The following YWHAQ variants were observed in gnomAD, a reference collection of about 807,000 sequenced individuals.
YWHAQ encodes the protein 14-3-3 protein theta.
In YWHAQ, 6 loss-of-function variants were observed where a neutral mutation model predicts 28.3. That is an observed-to-expected ratio of 0.21 (90% CI 0.12 to 0.42). The LOEUF is 0.42. Ranked by LOEUF, YWHAQ falls within the 10% of genes least tolerant of loss-of-function variation. The pLI, the probability that YWHAQ is intolerant of heterozygous loss-of-function variation, is 1.00. For synonymous variants in YWHAQ, 143 were observed against 119.1 expected (o/e 1.20, Z -1.31); for missense variants, 201 against 305.6 (o/e 0.66, Z 2.55).
At chr2:9,629,133 T>TA (rs1667304798) in intron 2 of YWHAQ, among the ~76,000 whole-genome samples, 1 of 152,080 alleles carries the variant, frequency 6.6e-6, no homozygotes, top group Non-Finnish European at 1.5e-5. Flanking sequence ...CCCAGTCTAG[T>TA]ATGCTTGTCT....
At chr2:9,590,411 T>C (rs1033895413) in intron 3 of YWHAQ, among the ~76,000 whole-genome samples, 2 of 152,208 alleles carry the variant, frequency 1.3e-5, no homozygotes, top group Non-Finnish European at 2.9e-5. Context: ...CACTGATATT[T>C]AGGATGGCAA....
Position 9,591,397 on chromosome 2 carries a change from C to T in YWHAQ, c.413G>A (p.Arg138Gln), listed in dbSNP as rs1168659382. Residue 138 changes from arginine (R) to glutamine (Q), a missense_variant, in exon 3 of 6, where the codon CGA (arginine) becomes CAA (glutamine). Coordinates refer to ENST00000238081, the MANE Select transcript of YWHAQ (RefSeq NM_006826.4). ...CATATAACAAATAAACTTACGTTTT[C>T]GATCATCACCACACGCAACTTCAGC... The part of the protein sequence containing the change: ...YLAEVACGDD[R>Q]KQTIDNSQGA... 3 of 1,608,832 alleles carry T rather than the reference C, an allele frequency of 1.9e-6. No individual in the cohort carries two copies. The highest frequency in any genetic ancestry group is 2.2e-5 in the East Asian group (1 of 44,802).
intron 2 of YWHAQ, among the ~76,000 whole-genome samples, chr2:9,607,381 T>G (rs1216763525): frequency 6.6e-6 from 1 of 151,588 alleles, no homozygotes; most frequent in Non-Finnish European, 1.5e-5. Context: ...TTTTTTTTTT[T>G]TGTATTTTTA....
At chr2:9,612,668 A>G (rs1168198674) in intron 2 of YWHAQ, among the ~76,000 whole-genome samples, 4 of 152,236 alleles carry the variant, frequency 2.6e-5, no homozygotes, top group African/African-American at 9.6e-5. Flanking sequence ...AAGAAGTAAC[A>G]TATGCAAGTA....
At position 9,616,141 on chromosome 2, in the gene YWHAQ, T is replaced by C. The variant is rs143203999; in HGVS notation, c.294+14018A>G. ...GGCTAGAACACAGGAACCACAGAAA[T>C]CATGAGTTTTCCTTATACCCAATTA... is the stretch of plus-strand genomic sequence containing the variant. On this transcript the variant is annotated intron_variant, in intron 2 of 5. Coordinates refer to ENST00000238081, the MANE Select transcript of YWHAQ (RefSeq NM_006826.4). Among the ~76,000 whole-genome samples, 617 of 152,226 alleles carry C rather than the reference T, an allele frequency of 4.1e-3. 4 individuals carry two copies. Among genetic ancestry groups the C allele is most frequent in the African/African-American group, 0.014 (586 of 41,542 alleles).
Position 9,591,425 on chromosome 2 carries a change from G to A in YWHAQ, c.385C>T (p.Leu129Phe). The A allele has an allele frequency of 6.2e-7, 1 of 1,612,682 alleles. No individual in the cohort carries two copies. Among genetic ancestry groups the A allele is most frequent in the Non-Finnish European group, 8.5e-7 (1 of 1,178,998 alleles). The change falls in exon 3 of 6, where the codon CTT (leucine) becomes TTT (phenylalanine). Residue 129 changes from leucine to phenylalanine, a missense_variant. Leu to Phe is a conservative substitution (Grantham distance 22). Transcript: ENST00000238081. ...TCATCACCACACGCAACTTCAGCAA[G>A]GTACCGGAAGTAATCACCCTTCATT... ...LKMKGDYFRY[L>F]AEVACGDDRK...
rs370311765 is a variant in YWHAQ at position 9,603,291 on chromosome 2, C to T, written c.295-11776G>A. Among the ~76,000 whole-genome samples the T allele has an allele frequency of 2.6e-3, 366 of 139,834 alleles. 1 individual carries two copies. Among genetic ancestry groups the T allele is most frequent in the Middle Eastern group, 0.016 (4 of 256 alleles). 91.7% of individuals were successfully genotyped at this position (139,834 alleles called of 152,430 possible). ...TTGAATTTTTTTTTTTTTTTTTGAG[C>T]TGGAGTCTCGCTCTGTTGCCCGGGC... is the stretch of plus-strand genomic sequence containing the variant. On this transcript the variant is annotated intron_variant, in intron 2 of 5. Coordinates refer to ENST00000238081, the MANE Select transcript of YWHAQ (RefSeq NM_006826.4).
chr2:9,608,882 A>T (rs1666889985), intron 2 of YWHAQ, among the ~76,000 whole-genome samples: 1 of 152,290 alleles, frequency 6.6e-6, no homozygotes, highest in South Asian at 2.1e-4. Context: ...ACAGGTTTGC[A>T]GTGAGCTGAG....
Position 9,627,681 on chromosome 2 carries a change from T to G in YWHAQ, c.294+2478A>C, listed in dbSNP as rs1373423192. Among the ~76,000 whole-genome samples, 5 of 151,992 alleles carry G rather than the reference T, an allele frequency of 3.3e-5. No homozygotes were observed. In the South Asian group the frequency reaches 1.0e-3, roughly 32 times the overall value. On this transcript the variant is annotated intron_variant, in intron 2 of 5. Transcript: ENST00000238081. ...ATCTCTACAATAAATAAATAAAACT[T>G]TAAAAAAACCAGTTTCCCATGAACC...
chr2:9,587,250 C>T (rs1042118846), intron 5 of YWHAQ, among the ~76,000 whole-genome samples, 164 bp downstream of exon 5: 1 of 152,182 alleles, frequency 6.6e-6, no homozygotes, highest in Admixed American at 6.5e-5. Context: ...GCCTATTCAA[C>T]TTGAAAACCT....
At chr2:9,616,982 A>G (rs2125071770) in intron 2 of YWHAQ, among the ~76,000 whole-genome samples, 1 of 152,250 alleles carries the variant, frequency 6.6e-6, no homozygotes, top group Middle Eastern at 3.4e-3. Context: ...GTATTTGGAG[A>G]CAGAGTCTTA....
Position 9,630,580 on chromosome 2 carries a change from GA to G in YWHAQ, c.-82-47del. ...GAGGCGAGAACAAAAAGCAGAGAGGGAGCGCCGTCAGACAATGCGGCCCGCC... is the reference window on the plus strand; with the variant it reads ...GAGGCGAGAACAAAAAGCAGAGAGGGGCGCCGTCAGACAATGCGGCCCGCC... On this transcript the variant is annotated intron_variant, in intron 1 of 5. Coordinates refer to ENST00000238081, the MANE Select transcript of YWHAQ (RefSeq NM_006826.4). The surrounding 1 kb of genome is among the most constrained non-coding windows in gnomAD (Gnocchi z 5.6). 1.0e-6 allele frequency: 1 copy of G among 955,440 alleles called. No homozygotes were observed. Among genetic ancestry groups the G allele is most frequent in the South Asian group, 1.8e-5 (1 of 56,734 alleles). The allele number at this position is 955,440 out of a possible 1,614,324, so 59.2% of individuals were successfully genotyped here.
intron 2 of YWHAQ, among the ~76,000 whole-genome samples, chr2:9,624,383 G>A (rs977635872): frequency 3.7e-4 from 57 of 152,174 alleles, no homozygotes; most frequent in African/African-American, 1.4e-3. Flanking sequence ...GACAAGTCTA[G>A]CTAGACAAGA....
chr2:9,589,400 A>G (rs1394348796), intron 3 of YWHAQ, among the ~76,000 whole-genome samples: 1 of 152,136 alleles, frequency 6.6e-6, no homozygotes, highest in Non-Finnish European at 1.5e-5. Context: ...CCTTACCAAC[A>G]TGGAGAAACC....
intron 2 of YWHAQ, among the ~76,000 whole-genome samples, chr2:9,614,643 A>G (rs1438164539): frequency 6.6e-6 from 1 of 152,220 alleles, no homozygotes; most frequent in African/African-American, 2.4e-5. Flanking sequence ...TATCCTAAGA[A>G]GACTACTAAA....
chr2:9,589,184 AC>A lies in YWHAQ; in HGVS notation c.419-857del, dbSNP rs550362973. Among the ~76,000 whole-genome samples the A allele has an allele frequency of 1.8e-3, 275 of 152,368 alleles. 1 individual carries two copies. The highest frequency in any genetic ancestry group is 5.9e-3 in the African/African-American group (245 of 41,590). On this transcript the variant is annotated intron_variant, in intron 3 of 5. Transcript: ENST00000238081. ...ATATAAACAGCTTAATGGAAAAAAA[AC>A]ATGAGATATTATAGTAAATCAGACT...
chr2:9,621,876 G>A (rs758607353), intron 2 of YWHAQ, among the ~76,000 whole-genome samples: 12 of 152,128 alleles, frequency 7.9e-5, no homozygotes, highest in Non-Finnish European at 1.8e-4. Context: ...ATGAGTTCAT[G>A]TCCTTTGCAA....
chr2:9,615,289 T>C (rs977553222), intron 2 of YWHAQ: 1 of 152,140 alleles, frequency 6.6e-6, no homozygotes, highest in African/African-American at 2.4e-5. Context: ...GGTAAGGAGT[T>C]ATCTTGATTG....
At position 9,630,615 on chromosome 2, in the gene YWHAQ, T is replaced by C; in HGVS notation, c.-82-81A>G. 2 of 645,792 alleles carry C rather than the reference T, an allele frequency of 3.1e-6. No individual in the cohort carries two copies. The highest frequency in any genetic ancestry group is 5.0e-6 in the Non-Finnish European group (2 of 403,658). 40.0% of individuals were successfully genotyped at this position (645,792 alleles called of 1,614,324 possible). A position where few individuals can be genotyped will look rare whatever the true frequency, so the allele number is the denominator to read the frequency against. On this transcript the variant is annotated intron_variant, in intron 1 of 5. Transcript: ENST00000238081. The surrounding 1 kb of genome is among the most constrained non-coding windows in gnomAD (Gnocchi z 5.6). The stretch of plus-strand genomic sequence containing the variant: ...AGACAATGCGGCCCGCCGCCCGCTT[T>C]TGTCTCCCGCACACGCGGCCGCTTG...
Sources: gnomAD v4.1 joint callset for allele counts (sites outside exome capture counted in the v4.1 genomes callset) on GRCh38, gnomAD v4.1.1 for gene constraint, Gnocchi (gnomAD v3.1) non-coding constraint, MANE v1.5 for transcripts, NCBI Gene and HGNC (gene_info 2026-07-23, HGNC 2026-07-21) for gene names.